SLC22A25: variants seen among roughly 807,000 people sequenced by gnomAD.
The protein encoded by SLC22A25 is MGI:2442751, MGI:2385316, MGI:3042283, MGI:3645714, MGI:3605624, MGI:2442750.
Under a neutral mutation model 45.9 loss-of-function variants are expected in SLC22A25, and 44 were observed. That is an observed-to-expected ratio of 0.96 (90% CI 0.75 to 1.23). The LOEUF (loss-of-function observed/expected upper bound fraction) is 1.23, where lower values mean the gene tolerates loss of function less well. SLC22A25 is among the 50% of genes most tolerant of loss of function. The pLI is 0.00. For synonymous variants in SLC22A25, 283 were observed against 238.6 expected (o/e 1.19, Z -1.72); for missense variants, 800 against 666.4 (o/e 1.20, Z -2.21).
chr11:63,229,384 C>G lies in SLC22A25; in HGVS notation c.269G>C (p.Arg90Pro). ...DSNLRPEKCR[R>P]FVHPQWKLIH... The stretch of plus-strand genomic sequence containing the variant: ...GAGCTTCCACTGGGGATGGACAAAG[C>G]GACGACACTTCTCTGGCCTCAGATT... Residue 90 changes from arginine to proline, a missense_variant, in exon 4 of 12, where the codon CGC (arginine) becomes CCC (proline). Transcript: ENST00000306494. 3 of 1,614,034 alleles carry G rather than the reference C, an allele frequency of 1.9e-6. No homozygotes were observed. Among genetic ancestry groups the G allele is most frequent in the Non-Finnish European group, 2.5e-6 (3 of 1,179,958 alleles).
intron 7 of SLC22A25, among the ~76,000 whole-genome samples, chr11:63,206,363 G>A (rs1028924988): frequency 1.4e-4 from 21 of 152,078 alleles, no homozygotes; most frequent in African/African-American, 5.1e-4. Flanking sequence ...TTTCCAGACA[G>A]TATGATTGTT....
Position 63,220,117 on chromosome 11 carries a change from G to A in SLC22A25, c.507-2382C>T, listed in dbSNP as rs988058782. 11 of 849,624 alleles carry A rather than the reference G, an allele frequency of 1.3e-5. No individual in the cohort carries two copies. In the Admixed American group the frequency reaches 2.2e-4, roughly 17 times the overall value. The allele number at this position is 849,624 out of a possible 1,614,324, so 52.6% of individuals were successfully genotyped here. ...ATTGTCCTTAGATTACTTACCTTTT[G>A]TTGTAAGGTAGAGGTTGTAATACCT... On this transcript the variant is annotated intron_variant, in intron 5 of 11. Transcript: ENST00000306494.
At chr11:63,242,863 C>T (rs1350248874) in intron 1 of SLC22A25, among the ~76,000 whole-genome samples, 4 of 152,090 alleles carry the variant, frequency 2.6e-5, no homozygotes, top group Non-Finnish European at 2.9e-5. Context: ...GAGATGTGAG[C>T]GAGGCAGGCA....
chr11:63,228,313 C>T, intron 5 of SLC22A25, 148 bp downstream of exon 5: 2 of 606,606 alleles, frequency 3.3e-6, no homozygotes, highest in Non-Finnish European at 5.7e-6. Flanking sequence ...TCACCACACT[C>T]ACCATAATTT....
rs114627006 is a variant in SLC22A25, at chr11:63,180,066, C to T, written c.1070+594G>A. Among the ~76,000 whole-genome samples, 1,095 of 152,268 alleles carry T rather than the reference C, an allele frequency of 7.2e-3. 8 individuals carry two copies. Among genetic ancestry groups the T allele is most frequent in the African/African-American group, 0.024 (1,006 of 41,564 alleles). On this transcript the variant is annotated intron_variant, in intron 9 of 11. Coordinates refer to ENST00000306494, the MANE Select transcript of SLC22A25 (RefSeq NM_199352.6). ...TATAAACTGACATTACTCTTCTTGC[C>T]CATTTCAGTGCAACTGTTTTTGGTT...
chr11:63,212,140 A>T (rs2089585181), intron 7 of SLC22A25, among the ~76,000 whole-genome samples: 1 of 152,116 alleles, frequency 6.6e-6, no homozygotes, highest in Admixed American at 6.5e-5. Context: ...ACCAGTTAGA[A>T]TGGCGATCAT....
At chr11:63,193,651 T>C (rs1489986513) in intron 7 of SLC22A25, among the ~76,000 whole-genome samples, 2 of 152,120 alleles carry the variant, frequency 1.3e-5, no homozygotes, top group Non-Finnish European at 2.9e-5. Flanking sequence ...CAAAACCCCA[T>C]CTGTATGTCA....
Position 63,232,214 on chromosome 11 carries a change from G to T in SLC22A25, c.-444-2118C>A, listed in dbSNP as rs1013332085. On this transcript the variant is annotated intron_variant, in intron 3 of 11. Transcript: ENST00000306494. Reference sequence around the variant, plus strand: ...TGGGGATGGCATTGAATCTATAAAAGACCTTGGGCAGTATGGCCATTTTCA... The same window carrying T: ...TGGGGATGGCATTGAATCTATAAAATACCTTGGGCAGTATGGCCATTTTCA... Among the ~76,000 whole-genome samples the T allele has an allele frequency of 4.3e-4, 66 of 152,192 alleles. 3 individuals are homozygous for T. Among genetic ancestry groups the T allele is most frequent in the East Asian group, 2.3e-3 (12 of 5,168 alleles).
intron 5 of SLC22A25, 199 bp from the exon 6 acceptor site, chr11:63,217,934 A>G: frequency 1.5e-6 from 1 of 682,876 alleles, no homozygotes; most frequent in Non-Finnish European, 2.5e-6. Context: ...TACTGAGTGT[A>G]TAAAAGTTTC....
chr11:63,182,327 T>C (rs1427952986), intron 8 of SLC22A25, among the ~76,000 whole-genome samples: 1 of 152,060 alleles, frequency 6.6e-6, no homozygotes, highest in Non-Finnish European at 1.5e-5. Context: ...ATTGTTGTTG[T>C]TGTTGTCGTT....
At chr11:63,216,717 G>C (rs2089720478) in intron 7 of SLC22A25, among the ~76,000 whole-genome samples, 2 of 152,032 alleles carry the variant, frequency 1.3e-5, no homozygotes, top group African/African-American at 4.8e-5. Context: ...CGGGTATTAG[G>C]CTTAATACCT....
intron 7 of SLC22A25, among the ~76,000 whole-genome samples, chr11:63,197,336 C>T (rs998171720): frequency 1.2e-4 from 19 of 152,106 alleles, no homozygotes; most frequent in Non-Finnish European, 1.8e-4. Context: ...GGAGGCATCA[C>T]GCTACCTGAC....
intron 7 of SLC22A25, among the ~76,000 whole-genome samples, chr11:63,187,245 T>A (rs574120867): frequency 6.6e-6 from 1 of 152,318 alleles, no homozygotes; most frequent in East Asian, 1.9e-4. Context: ...TAGTTCTCCT[T>A]GAAGAGGTCC....
At chr11:63,212,449 A>T (rs889920287) in intron 7 of SLC22A25, among the ~76,000 whole-genome samples, 2 of 152,190 alleles carry the variant, frequency 1.3e-5, no homozygotes, top group African/African-American at 4.8e-5. Context: ...TGGATTAAGA[A>T]AATGTGGCAC....
chr11:63,202,746 G>T (rs1246446981), intron 7 of SLC22A25, among the ~76,000 whole-genome samples: 1 of 152,214 alleles, frequency 6.6e-6, no homozygotes, highest in Non-Finnish European at 1.5e-5. Flanking sequence ...AGACTTAAAC[G>T]TTCCTGCTTG....
intron 2 of SLC22A25, among the ~76,000 whole-genome samples, chr11:63,238,440 G>A (rs779712024): frequency 1.1e-4 from 16 of 152,158 alleles, no homozygotes; most frequent in Admixed American, 3.3e-4. Flanking sequence ...TTACTGATTC[G>A]GCATACAATT....
chr11:63,187,897 A>G (rs531029894), intron 7 of SLC22A25, among the ~76,000 whole-genome samples: 30 of 152,310 alleles, frequency 2.0e-4, no homozygotes, highest in Non-Finnish European at 4.4e-5. Flanking sequence ...GATGTAGCCC[A>G]CTTGATCATG....
At chr11:63,236,455 T>C (rs766046846) in intron 3 of SLC22A25, among the ~76,000 whole-genome samples, 7 of 152,174 alleles carry the variant, frequency 4.6e-5, no homozygotes, top group Non-Finnish European at 1.0e-4. Flanking sequence ...GTGTGGGATA[T>C]AATCTCCTGG....
At chr11:63,243,391 A>T in intron 1 of SLC22A25, 43 bp downstream of exon 1, 2 of 686,240 alleles carry the variant, frequency 2.9e-6, no homozygotes, top group South Asian at 3.0e-5. Flanking sequence ...TCTGTGAGGA[A>T]CAGAAGTGTG....
Sources: gnomAD v4.1 joint callset for allele counts (sites outside exome capture counted in the v4.1 genomes callset) on GRCh38, gnomAD v4.1.1 for gene constraint, MANE v1.5 for transcripts, NCBI Gene and HGNC (gene_info 2026-07-23, HGNC 2026-07-21) for gene names.